RDH11: variants seen among roughly 807,000 people sequenced by gnomAD.
The protein encoded by RDH11 is retinol dehydrogenase 11, also known as HCV core-binding protein HCBP12.
A neutral mutation model predicts 33.4 loss-of-function variants in RDH11; 19 were observed. The ratio of observed to expected loss-of-function variants is 0.57; its 90% CI spans 0.40 to 0.83. The LOEUF (loss-of-function observed/expected upper bound fraction) is 0.83. RDH11 is among the 40% of genes least tolerant of loss of function. The pLI is 0.00. For synonymous variants in RDH11, 154 were observed against 155.3 expected (o/e 0.99, Z 0.06); for missense variants, 353 against 389.0 (o/e 0.91, Z 0.78).
intron 5 of RDH11, among the ~76,000 whole-genome samples, chr14:67,685,514 G>A (rs948024592): frequency 2.6e-5 from 4 of 151,922 alleles, no homozygotes; most frequent in African/African-American, 7.3e-5. Context: ...TTAGAGATGG[G>A]GTCTCCCTAT....
rs1395344126 is a variant in RDH11, at chr14:67,690,271, T to C, written c.605A>G (p.Tyr202Cys). The C allele has an allele frequency of 3.1e-6, 5 of 1,614,046 alleles. No individual in the cohort carries two copies. In the African/African-American group the frequency reaches 6.7e-5, roughly 22 times the overall value. The change falls in exon 5 of 7, where the codon TAC becomes TGC. Residue 202 changes from tyrosine (Y) to cysteine (C), a missense_variant. Physicochemically the swap from Tyr to Cys is radical, Grantham distance 194. Coordinates refer to ENST00000381346, the MANE Select transcript of RDH11 (RefSeq NM_016026.4). Reference protein sequence around the residue: ...GEKFYNAGLAYCHSKLANILF... With the variant: ...GEKFYNAGLACCHSKLANILF... Reference sequence around the variant, plus strand: ...GATGTTGGCTAGCTTGCTGTGACAGTAGGCCAGGCCTGCATTGTAGAATTT... The same window carrying C: ...GATGTTGGCTAGCTTGCTGTGACAGCAGGCCAGGCCTGCATTGTAGAATTT...
At chr14:67,684,401 G>C (rs970208755) in intron 6 of RDH11, 2 of 152,188 alleles carry the variant, frequency 1.3e-5, no homozygotes, top group Non-Finnish European at 2.9e-5. Flanking sequence ...GGATAGGGCA[G>C]AATTGGCCAT....
chr14:67,684,959 C>T (rs2037658289), intron 6 of RDH11, 56 bp downstream of exon 6: 1 of 1,475,644 alleles, frequency 6.8e-7, no homozygotes, highest in South Asian at 1.3e-5. Context: ...CAGACAAACC[C>T]AAATTATCTC....
At chr14:67,689,431 T>C (rs2037721283) in intron 5 of RDH11, among the ~76,000 whole-genome samples, 1 of 152,154 alleles carries the variant, frequency 6.6e-6, no homozygotes, top group Non-Finnish European at 1.5e-5. Context: ...CTCAAGCATA[T>C]ATTTCCCTCT....
intron 5 of RDH11, among the ~76,000 whole-genome samples, chr14:67,687,771 CTT>C (rs1404761231): frequency 7.4e-6 from 1 of 134,922 alleles, no homozygotes; most frequent in Non-Finnish European, 1.6e-5. Flanking sequence ...ACGTCCGGCC[CTT>C]TTTTTTTTTC....
At chr14:67,684,466 T>C (rs1394217730) in intron 6 of RDH11, 2 of 152,306 alleles carry the variant, frequency 1.3e-5, no homozygotes, top group Non-Finnish European at 2.9e-5. Flanking sequence ...CTATTTTATC[T>C]AACCCTGTGT....
At chr14:67,689,373 TAG>T (rs1303569414) in intron 5 of RDH11, among the ~76,000 whole-genome samples, 5 of 152,156 alleles carry the variant, frequency 3.3e-5, no homozygotes, top group Non-Finnish European at 5.9e-5. Flanking sequence ...AAATCCAGAG[TAG>T]ACAGTGCTAA....
chr14:67,695,364 A>C (rs1414139454), intron 1 of RDH11, among the ~76,000 whole-genome samples: 1 of 152,162 alleles, frequency 6.6e-6, no homozygotes, highest in Non-Finnish European at 1.5e-5. Flanking sequence ...CTGGAGCCAG[A>C]ATCAGGGGGT....
intron 5 of RDH11, among the ~76,000 whole-genome samples, chr14:67,688,521 G>T (rs572905514): frequency 1.3e-5 from 2 of 152,042 alleles, no homozygotes; most frequent in Admixed American, 6.5e-5. Flanking sequence ...TATGAAGGGA[G>T]AAGAGCAGGG....
At chr14:67,686,495 C>T (rs747529844) in intron 5 of RDH11, among the ~76,000 whole-genome samples, 3 of 152,078 alleles carry the variant, frequency 2.0e-5, no homozygotes, top group East Asian at 1.9e-4. Context: ...AAAAATTGGC[C>T]GGGCATGGTG....
chr14:67,687,407 A>G (rs2037691920), intron 5 of RDH11, among the ~76,000 whole-genome samples: 1 of 140,190 alleles, frequency 7.1e-6, no homozygotes, highest in African/African-American at 2.5e-5. Context: ...TCTCAAACTG[A>G]GCCCGGACCT....
At chr14:67,686,123 C>A (rs899945312) in intron 5 of RDH11, 2 of 152,212 alleles carry the variant, frequency 1.3e-5, no homozygotes, top group African/African-American at 4.8e-5. Context: ...GAACTGCAGA[C>A]ACACTGGGAG....
intron 4 of RDH11, 80 bp from the exon 5 acceptor site, chr14:67,690,501 G>T: frequency 8.8e-7 from 1 of 1,139,222 alleles, no homozygotes; most frequent in East Asian, 2.4e-5. Flanking sequence ...CCTCACCTAT[G>T]GGAGGCAGAT....
intron 5 of RDH11, among the ~76,000 whole-genome samples, chr14:67,689,738 G>C (rs998791986): frequency 6.6e-6 from 1 of 152,158 alleles, no homozygotes; most frequent in Non-Finnish European, 1.5e-5. Flanking sequence ...GAGGTCACGA[G>C]TTCAAGACCA....
At chr14:67,690,904 C>G (rs2140079254) in intron 4 of RDH11, 1 of 521,770 alleles carries the variant, frequency 1.9e-6, no homozygotes, top group African/African-American at 1.9e-5. Context: ...ACCAATTAGT[C>G]TGTTAAAAAA....
chr14:67,685,505 T>C (rs1446212035), intron 5 of RDH11, among the ~76,000 whole-genome samples: 1 of 152,150 alleles, frequency 6.6e-6, no homozygotes, highest in Non-Finnish European at 1.5e-5. Flanking sequence ...CCTTCTTTTT[T>C]AGAGATGGGG....
At chr14:67,681,192 T>C (rs556439736) in intron 6 of RDH11, among the ~76,000 whole-genome samples, 24 of 152,300 alleles carry the variant, frequency 1.6e-4, no homozygotes, top group African/African-American at 4.6e-4. Flanking sequence ...GGAAAGGCCA[T>C]GCGAGGGCTC....
intron 5 of RDH11, among the ~76,000 whole-genome samples, chr14:67,686,490 T>A (rs2037679837): frequency 6.6e-6 from 1 of 151,760 alleles, no homozygotes; most frequent in Non-Finnish European, 1.5e-5. Flanking sequence ...ATAGAAAAAA[T>A]TGGCCGGGCA....
chr14:67,690,126 T>C (rs1432403744), intron 5 of RDH11, 86 bp downstream of exon 5: 1 of 1,204,306 alleles, frequency 8.3e-7, no homozygotes, highest in Non-Finnish European at 1.2e-6. Flanking sequence ...CTCCAGGTGA[T>C]GGGCTCTGGA....
Sources: allele counts gnomAD v4.1 joint callset (sites outside exome capture counted in the v4.1 genomes callset), GRCh38; gene constraint gnomAD v4.1.1; transcripts MANE v1.5; gene names NCBI Gene and HGNC (gene_info 2026-07-23, HGNC 2026-07-21).